The following CLPB variants were observed in gnomAD, a reference collection of about 807,000 sequenced individuals.
CLPB encodes ClpB family mitochondrial disaggregase.
In CLPB, 40 loss-of-function variants were observed where a neutral mutation model predicts 78.4. The observed-to-expected ratio is 0.51, with a 90% CI of 0.40 to 0.66. CLPB has a LOEUF of 0.66. Among genes scored for constraint, CLPB ranks in the 30% least tolerant of loss-of-function variants. The probability of loss-of-function intolerance (pLI) is 0.00; values close to 1 mark genes in which losing one functional copy is unlikely to be tolerated. For synonymous variants in CLPB, 333 were observed against 348.0 expected (o/e 0.96, Z 0.48); for missense variants, 780 against 886.9 (o/e 0.88, Z 1.53).
At chr11:72,398,669 G>A (rs1033581935) in intron 3 of CLPB, among the ~76,000 whole-genome samples, 1 of 152,228 alleles carries the variant, frequency 6.6e-6, no homozygotes, top group Admixed American at 6.5e-5. Context: ...TTAGCCTTTA[G>A]CTGGACTGGG....
chr11:72,348,897 A>C (rs1950562454), intron 5 of CLPB, among the ~76,000 whole-genome samples: 2 of 152,356 alleles, frequency 1.3e-5, no homozygotes, highest in South Asian at 4.1e-4. Context: ...TCAGATCCAC[A>C]TCCTATCTTC....
intron 11 of CLPB, among the ~76,000 whole-genome samples, chr11:72,297,635 A>AGGTG (rs1949573917): frequency 2.8e-5 from 2 of 72,192 alleles, no homozygotes; most frequent in African/African-American, 9.9e-5. Context: ...TTTGGGGACC[A>AGGTG]GGTGTGTGTG....
chr11:72,363,640 G>A (rs542041132), intron 4 of CLPB: 14 of 152,332 alleles, frequency 9.2e-5, no homozygotes, highest in South Asian at 4.1e-4. Flanking sequence ...AGGACCGACA[G>A]TTCAAGTACT....
intron 3 of CLPB, among the ~76,000 whole-genome samples, chr11:72,386,287 T>A (rs1232119089): frequency 6.6e-6 from 1 of 152,192 alleles, no homozygotes; most frequent in Non-Finnish European, 1.5e-5. Context: ...TCTTCACAAA[T>A]CCCTTATTAA....
chr11:72,418,628 G>A (rs534593139), intron 2 of CLPB, among the ~76,000 whole-genome samples: 10 of 152,150 alleles, frequency 6.6e-5, no homozygotes, highest in African/African-American at 1.9e-4. Flanking sequence ...AGGCTGAGGC[G>A]GGAGGATCAC....
intron 3 of CLPB, among the ~76,000 whole-genome samples, chr11:72,391,035 A>G (rs1384772763): frequency 1.3e-5 from 2 of 152,186 alleles, no homozygotes; most frequent in African/African-American, 4.8e-5. Flanking sequence ...TTTTTTTCAA[A>G]AAGTGTTGAA....
At chr11:72,426,632 G>A (rs1202422668) in intron 2 of CLPB, among the ~76,000 whole-genome samples, 1 of 152,132 alleles carries the variant, frequency 6.6e-6, no homozygotes, top group Non-Finnish European at 1.5e-5. Context: ...AAAGCCTCTG[G>A]ACTGCTTACT....
Position 72,434,303 on chromosome 11 carries a change from T to G in CLPB, c.172A>C (p.Thr58Pro). The change falls in exon 1 of 16, where the codon ACA (threonine) becomes CCA (proline). Residue 58 changes from threonine to proline, a missense_variant. By Grantham distance (38) the Thr-to-Pro change is conservative (BLOSUM62 -1). Coordinates refer to ENST00000538039, the MANE Select transcript of CLPB (RefSeq NM_001258392.3). ...LRVATGGRPGTSPALFSGRGA... is the reference protein window; with the variant it reads ...LRVATGGRPGPSPALFSGRGA... ...CGTCCGGAGAACAAGGCCGGCGATG[T>G]TCCAGGGCGCCCCCCGGTGGCTACC... 2 of 1,611,534 alleles carry G rather than the reference T, an allele frequency of 1.2e-6. No individual in the cohort carries two copies. Among genetic ancestry groups the G allele is most frequent in the Non-Finnish European group, 1.7e-6 (2 of 1,179,324 alleles).
At position 72,333,625 on chromosome 11, in the gene CLPB, C is replaced by A. The variant is rs577620477; in HGVS notation, c.776-3821G>T. On this transcript the variant is annotated intron_variant, in intron 5 of 15. Transcript: ENST00000538039. ...TCGAGTCCAGCACAATTCCACCTCT[C>A]CAGGAGCTCATGGAGACAGGAGGTC... Among the ~76,000 whole-genome samples, 3 of 152,294 alleles carry A rather than the reference C, an allele frequency of 2.0e-5. No homozygotes were observed. In the South Asian group the frequency reaches 6.2e-4, roughly 32 times the overall value.
rs11235492 is a variant in CLPB, at chr11:72,415,171, G to A, written c.456-12119C>T. On this transcript the variant is annotated intron_variant, in intron 2 of 15. Transcript: ENST00000538039. ...GCGTGGGTTGCAGTAAGCCAAGATC[G>A]CACCACTGCACTCCAGCCTGGCGAC... Among the ~76,000 whole-genome samples the A allele has an allele frequency of 4.4e-3, 669 of 152,106 alleles. 4 individuals carry two copies. Among genetic ancestry groups the A allele is most frequent in the African/African-American group, 0.015 (631 of 41,488 alleles).
intron 2 of CLPB, among the ~76,000 whole-genome samples, chr11:72,418,958 C>T (rs1230174028): frequency 6.6e-6 from 1 of 151,914 alleles, no homozygotes. Context: ...GGACTTTGGG[C>T]CTAGGGCTCT....
intron 11 of CLPB, among the ~76,000 whole-genome samples, chr11:72,297,019 C>T (rs938203546): frequency 3.9e-5 from 6 of 152,220 alleles, no homozygotes; most frequent in South Asian, 2.1e-4. Flanking sequence ...AATGAGGCCT[C>T]GTGCTATTTT....
rs538902867 is a variant in CLPB at position 72,360,972 on chromosome 11, A to C, written c.647-1964T>G. Among the ~76,000 whole-genome samples the C allele has an allele frequency of 2.0e-5, 3 of 152,270 alleles. No individual in the cohort carries two copies. In the East Asian group the frequency reaches 5.8e-4, roughly 29 times the overall value. On this transcript the variant is annotated intron_variant, in intron 4 of 15. Transcript: ENST00000538039. ...ATGAGGAAATCAGACACCAAGAAAG[A>C]AGTAGAGCCCAGATGTCCTGGTCCC...
intron 2 of CLPB, among the ~76,000 whole-genome samples, chr11:72,405,568 C>T (rs901699916): frequency 2.0e-5 from 3 of 152,148 alleles, no homozygotes; most frequent in Admixed American, 2.0e-4. Context: ...TGTGCTCCCA[C>T]GTCTAAGAGG....
At chr11:72,333,450 G>C (rs1431741190) in intron 5 of CLPB, among the ~76,000 whole-genome samples, 1 of 152,220 alleles carries the variant, frequency 6.6e-6, no homozygotes, top group Non-Finnish European at 1.5e-5. Context: ...TTTCACGACT[G>C]TTCTGTAGCA....
intron 14 of CLPB, 98 bp from the exon 15 acceptor site, chr11:72,294,224 T>A: frequency 6.2e-7 from 1 of 1,607,840 alleles, no homozygotes; most frequent in Non-Finnish European, 8.5e-7. Context: ...CCCACACCAC[T>A]GTGCTCCACC....
intron 5 of CLPB, among the ~76,000 whole-genome samples, chr11:72,343,537 A>C (rs1950458968): frequency 6.6e-6 from 1 of 152,170 alleles, no homozygotes; most frequent in South Asian, 2.1e-4. Flanking sequence ...CAGTTTATGC[A>C]CCTTCTTTTA....
intron 3 of CLPB, among the ~76,000 whole-genome samples, chr11:72,397,280 G>A (rs994748020): frequency 1.3e-5 from 2 of 152,166 alleles, no homozygotes; most frequent in African/African-American, 4.8e-5. Flanking sequence ...ACCAGTTGAT[G>A]GACATTGCAT....
intron 6 of CLPB, among the ~76,000 whole-genome samples, chr11:72,324,294 A>G (rs1222258944): frequency 6.6e-6 from 1 of 152,136 alleles, no homozygotes; most frequent in African/African-American, 2.4e-5. Flanking sequence ...AAGGCCAGGC[A>G]TGGTGGCTCA....
Sources: gnomAD v4.1 joint callset for allele counts (sites outside exome capture counted in the v4.1 genomes callset) on GRCh38, gnomAD v4.1.1 for gene constraint, MANE v1.5 for transcripts, NCBI Gene and HGNC (gene_info 2026-07-23, HGNC 2026-07-21) for gene names.